Variants in PATJ observed in about 807,000 individuals in gnomAD.
PATJ encodes the protein PATJ crumbs cell polarity complex component.
In PATJ, 190 loss-of-function variants were observed where a neutral mutation model predicts 224.9. That is an observed-to-expected ratio of 0.84 (90% confidence interval 0.75 to 0.95). The LOEUF is 0.95. Among genes scored for constraint, PATJ ranks in the 40% least tolerant of loss-of-function variants. The probability of loss-of-function intolerance (pLI) is 0.00; values close to 1 mark genes in which losing one functional copy is unlikely to be tolerated. For missense variants in PATJ, 2,121 were observed against 2,270.3 expected, an observed-to-expected ratio of 0.93 and a Z score of 1.34; for synonymous variants, 769 against 820.3, an observed-to-expected ratio of 0.94 and a Z score of 1.07.
intron 6 of PATJ, among the ~76,000 whole-genome samples, chr1:61,772,234 A>C (rs1000411971): frequency 1.3e-5 from 2 of 150,206 alleles, no homozygotes; most frequent in East Asian, 4.0e-4. Context: ...TTCCTTGGTG[A>C]TGTAGCCAAT....
intron 29 of PATJ, among the ~76,000 whole-genome samples, chr1:62,019,518 CA>C (rs974330468): frequency 4.1e-4 from 57 of 140,642 alleles, no homozygotes; most frequent in African/African-American, 3.9e-4. Context: ...GTCTCTGTCT[CA>C]AAAAAAAAAA....
intron 27 of PATJ, among the ~76,000 whole-genome samples, chr1:61,970,258 A>C (rs564456588): frequency 5.7e-4 from 86 of 151,964 alleles, no homozygotes; most frequent in Admixed American, 5.3e-3. Flanking sequence ...AGGTTCAATG[A>C]AAAAATAAGC....
rs889087773 is a variant in PATJ at position 61,938,991 on chromosome 1, C to T, written c.3670+11162C>T. 5.9e-5 allele frequency among the ~76,000 whole-genome samples: 9 copies of T among 151,320 alleles called. No individual in the cohort carries two copies. The South Asian group carries it at 1.0e-3, about 18-fold the overall frequency. ...AAAAAAAATTAGCCAGGCGTGGTGG[C>T]GGGCGCTTGTAGTCCCAGCTACTTG... On this transcript the variant is annotated intron_variant, in intron 27 of 43. Transcript: ENST00000642238.
Position 61,856,136 on chromosome 1 carries a change from T to C in PATJ, c.2219T>C (p.Val740Ala). ...GLLPGDRLVSVNEYCLDNTSL... is the reference protein window; with the variant it reads ...GLLPGDRLVSANEYCLDNTSL... Reference sequence around the variant, plus strand: ...TTACCTGGAGACCGCCTGGTCTCAGTCAATGAATACTGTTTGGACAACACC... The same window carrying C: ...TTACCTGGAGACCGCCTGGTCTCAGCCAATGAATACTGTTTGGACAACACC... Residue 740 changes from valine to alanine, a missense_variant, in exon 18 of 44, where the codon GTC becomes GCC. Coordinates refer to ENST00000642238, the MANE Select transcript of PATJ (RefSeq NM_001350145.3). 3.1e-6 allele frequency: 5 copies of C among 1,613,976 alleles called. No individual in the cohort carries two copies. The highest frequency in any genetic ancestry group is 1.1e-5 in the South Asian group (1 of 91,074).
At chr1:61,763,897 G>A (rs1430843487) in intron 3 of PATJ, among the ~76,000 whole-genome samples, 1 of 152,046 alleles carries the variant, frequency 6.6e-6, no homozygotes, top group African/African-American at 2.4e-5. Flanking sequence ...GCCTCAAGCA[G>A]TCCTCCTACC....
At chr1:62,144,340 A>T in intron 41 of PATJ, among the ~76,000 whole-genome samples, 1 of 152,122 alleles carries the variant, frequency 6.6e-6, no homozygotes, top group Non-Finnish European at 1.5e-5. Context: ...TTCACCCAAA[A>T]TGTGTTCTGG....
intron 10 of PATJ, among the ~76,000 whole-genome samples, chr1:61,796,663 T>TTTCC (rs1651186375): frequency 2.6e-5 from 1 of 38,260 alleles, no homozygotes; most frequent in African/African-American, 6.9e-5. Flanking sequence ...ATTTATTTTC[T>TTTCC]TTCTTTCTTT....
chr1:61,833,798 G>T lies in PATJ; in HGVS notation c.2112+13G>T. On this transcript the variant is annotated intron_variant, in intron 17 of 43. Transcript: ENST00000642238. ...TTTGGATTACCAGGTATAAGAACCT[G>T]TGTAGAGGTGTTTTCTTTGGAGTGA... 1 of 1,605,632 alleles carries T rather than the reference G, an allele frequency of 6.2e-7. No homozygotes were observed. The highest frequency in any genetic ancestry group is 8.5e-7 in the Non-Finnish European group (1 of 1,176,998).
chr1:62,013,268 A>G (rs2148343659), intron 28 of PATJ: 1 of 796,450 alleles, frequency 1.3e-6, no homozygotes, highest in Non-Finnish European at 1.5e-6. Flanking sequence ...AGACATATCC[A>G]TAAACATGAA....
chr1:61,941,913 TAGTAAC>T (rs972155662), intron 27 of PATJ, among the ~76,000 whole-genome samples: 13 of 152,222 alleles, frequency 8.5e-5, no homozygotes, highest in Middle Eastern at 3.2e-3. Context: ...CTACTCTAAA[TAGTAAC>T]AGTAAATCCA....
intron 1 of PATJ, among the ~76,000 whole-genome samples, chr1:61,760,077 C>T (rs1015537369): frequency 2.0e-5 from 3 of 152,162 alleles, no homozygotes; most frequent in African/African-American, 4.8e-5. Context: ...GGGCTGTATG[C>T]TGCTATATGA....
intron 25 of PATJ, among the ~76,000 whole-genome samples, chr1:61,913,603 T>G (rs1202107303): frequency 6.6e-6 from 1 of 152,260 alleles, no homozygotes; most frequent in Non-Finnish European, 1.5e-5. Context: ...AAAATTAAAC[T>G]GGTTCGTTCA....
intron 28 of PATJ, among the ~76,000 whole-genome samples, chr1:62,004,203 T>C (rs28421619): frequency 0.3 from 46,226 of 151,968 alleles, 7,592 homozygotes; most frequent in East Asian, 0.47. Context: ...GGGCGGCAAC[T>C]GTATCTGACT....
rs770622037 is a variant in PATJ at position 62,121,298 on chromosome 1, A to G, written c.5005+3A>G. 1.5e-5 allele frequency: 24 copies of G among 1,582,526 alleles called. No individual in the cohort carries two copies. Among genetic ancestry groups the G allele is most frequent in the Non-Finnish European group, 2.0e-5 (23 of 1,151,746 alleles). On this transcript the variant is annotated splice_donor_region_variant and intron_variant, in intron 38 of 43. Transcript: ENST00000642238. The stretch of plus-strand genomic sequence containing the variant: ...AGATCCTTCCCAGAAAAATTCAGGT[A>G]TTACACGGACACACCCAGAGCAAAA...
chr1:62,050,552 G>A (rs1378028503), intron 30 of PATJ, among the ~76,000 whole-genome samples: 2 of 152,234 alleles, frequency 1.3e-5, no homozygotes, highest in African/African-American at 2.4e-5. Flanking sequence ...GGGAGGTATA[G>A]GGACTTCTTG....
chr1:62,116,145 A>G (rs1664421370), intron 35 of PATJ, among the ~76,000 whole-genome samples: 1 of 152,238 alleles, frequency 6.6e-6, no homozygotes, highest in South Asian at 2.1e-4. Flanking sequence ...AAAAACTTGC[A>G]TTGTAAAGGA....
chr1:61,814,547 T>TGTGCGCGCGCGCGCGC (rs370488022), intron 14 of PATJ, among the ~76,000 whole-genome samples: 13 of 142,494 alleles, frequency 9.1e-5, no homozygotes, highest in African/African-American at 3.5e-4. Context: ...TGTGTGTGTG[T>TGTGCGCGCGCGCGCGC]GCGCGCGCGC....
At chr1:62,040,373 G>C (rs1177320268) in intron 30 of PATJ, among the ~76,000 whole-genome samples, 1 of 152,056 alleles carries the variant, frequency 6.6e-6, no homozygotes. Context: ...CCTCCCAAAA[G>C]TGCTGGGATT....
chr1:61,813,387 A>G (rs1655355799), intron 14 of PATJ, among the ~76,000 whole-genome samples: 1 of 49,270 alleles, frequency 2.0e-5, no homozygotes, highest in Non-Finnish European at 4.8e-5. Flanking sequence ...ATACACACAC[A>G]CACACACACA....
Sources: gnomAD v4.1 joint callset for allele counts (sites outside exome capture counted in the v4.1 genomes callset) on GRCh38, gnomAD v4.1.1 for gene constraint, MANE v1.5 for transcripts, NCBI Gene and HGNC (gene_info 2026-07-23, HGNC 2026-07-21) for gene names.